DISC1: variants seen among roughly 807,000 people sequenced by gnomAD.
DISC1 encodes the protein disrupted in schizophrenia 1 protein.
A neutral mutation model predicts 84.5 loss-of-function variants in DISC1; 57 were observed. That is an observed-to-expected ratio of 0.67 (90% CI 0.55 to 0.84). The LOEUF (loss-of-function observed/expected upper bound fraction) is 0.84, where lower values mean the gene tolerates loss of function less well. DISC1 is among the 40% of genes least tolerant of loss of function. DISC1 has a pLI of 0.00. For synonymous variants in DISC1, 411 were observed against 415.2 expected (o/e 0.99, Z 0.12); for missense variants, 1,000 against 1,057.8 (o/e 0.95, Z 0.76).
chr1:231,783,438 A>G (rs978756794), intron 6 of DISC1, among the ~76,000 whole-genome samples: 1 of 152,160 alleles, frequency 6.6e-6, no homozygotes, highest in East Asian at 1.9e-4. Flanking sequence ...TTTTTTCATT[A>G]TTAAACCACC....
intron 3 of DISC1, among the ~76,000 whole-genome samples, chr1:231,713,720 ATATAG>A (rs1368407099): frequency 8.5e-5 from 11 of 129,778 alleles, no homozygotes; most frequent in African/African-American, 3.0e-4. Context: ...ATATATATAT[ATATAG>A]GAGATATATA....
At chr1:231,734,245 G>A (rs186784475) in intron 3 of DISC1, among the ~76,000 whole-genome samples, 266 of 152,248 alleles carry the variant, frequency 1.7e-3, no homozygotes, top group African/African-American at 5.7e-3. Flanking sequence ...AGGGTTTAAT[G>A]AAAAGTAGCA....
At chr1:231,852,574 C>T (rs1363850910) in intron 9 of DISC1, among the ~76,000 whole-genome samples, 1 of 152,246 alleles carries the variant, frequency 6.6e-6, no homozygotes, top group African/African-American at 2.4e-5. Context: ...ATTTGGGGCA[C>T]ATGCGCACCT....
chr1:231,930,111 C>G (rs988002237), intron 9 of DISC1, among the ~76,000 whole-genome samples: 2 of 152,214 alleles, frequency 1.3e-5, no homozygotes, highest in Non-Finnish European at 2.9e-5. Context: ...ACAGGCATCA[C>G]TCAAAAAGAA....
At chr1:231,855,819 C>T (rs964716016) in intron 9 of DISC1, among the ~76,000 whole-genome samples, 1 of 152,184 alleles carries the variant, frequency 6.6e-6, no homozygotes, top group Non-Finnish European at 1.5e-5. Context: ...AAACCCTAGG[C>T]ACATCTTTCT....
At position 232,038,574 on chromosome 1, in the gene DISC1, C is replaced by T. The variant is rs939736369; in HGVS notation, c.*1743C>T. On this transcript the variant is annotated 3_prime_UTR_variant, in exon 13 of 13. Coordinates refer to ENST00000439617, the MANE Select transcript of DISC1 (RefSeq NM_018662.3). Reference sequence around the variant, plus strand: ...CTCAAACTTTCCAAGTTTAATGGATCGTGAATTTTTTTCATGTAACTCCTA... The same window carrying T: ...CTCAAACTTTCCAAGTTTAATGGATTGTGAATTTTTTTCATGTAACTCCTA... 2.6e-5 allele frequency: 4 copies of T among 152,018 alleles called. No individual in the cohort carries two copies. The highest frequency in any genetic ancestry group is 6.6e-5 in the Admixed American group (1 of 15,228). 9.4% of individuals were successfully genotyped at this position (152,018 alleles called of 1,614,324 possible).
chr1:232,021,109 A>C (rs1489740074), intron 11 of DISC1, among the ~76,000 whole-genome samples: 1 of 152,188 alleles, frequency 6.6e-6, no homozygotes, highest in African/African-American at 2.4e-5. Context: ...GTGTGCCCCA[A>C]GGCCAGTGTG....
Position 231,825,947 on chromosome 1 carries a change from T to A in DISC1, c.1981+7430T>A, listed in dbSNP as rs7549557. Among the ~76,000 whole-genome samples, 6 of 152,262 alleles carry A rather than the reference T, an allele frequency of 3.9e-5. No homozygotes were observed. In the South Asian group the frequency reaches 1.2e-3, roughly 32 times the overall value. ...TATGTATTTCTTGGGCACAGATTTCTGTATGCACAGATGAGCTACAGCTAT... is the reference window on the plus strand; with the variant it reads ...TATGTATTTCTTGGGCACAGATTTCAGTATGCACAGATGAGCTACAGCTAT... On this transcript the variant is annotated intron_variant, in intron 9 of 12. Coordinates refer to ENST00000439617, the MANE Select transcript of DISC1 (RefSeq NM_018662.3).
At chr1:231,843,107 T>TG (rs930880733) in intron 9 of DISC1, among the ~76,000 whole-genome samples, 7 of 151,768 alleles carry the variant, frequency 4.6e-5, no homozygotes, top group Non-Finnish European at 7.4e-5. Flanking sequence ...AAGTGTATGA[T>TG]GGGGGGGTAT....
chr1:231,685,050 A>G (rs943099115), intron 1 of DISC1: 1 of 152,242 alleles, frequency 6.6e-6, no homozygotes, highest in African/African-American at 2.4e-5. Flanking sequence ...TGGCAAAGAG[A>G]TGGATGGTAT....
intron 3 of DISC1, among the ~76,000 whole-genome samples, chr1:231,714,962 C>A (rs2068485434): frequency 6.6e-6 from 1 of 152,130 alleles, no homozygotes; most frequent in Non-Finnish European, 1.5e-5. Context: ...AACTTGTGGG[C>A]ATATTTTAAA....
chr1:231,666,428 T>A (rs552540167), intron 1 of DISC1, among the ~76,000 whole-genome samples: 1 of 152,098 alleles, frequency 6.6e-6, no homozygotes, highest in Admixed American at 6.5e-5. Context: ...ATTCTAGAGC[T>A]AATCTAATTA....
rs74144169 is a variant in DISC1, at chr1:231,881,795, G to A, written c.1981+63278G>A. 8.5e-3 allele frequency among the ~76,000 whole-genome samples: 1,289 copies of A among 152,248 alleles called. 20 individuals are homozygous for A. Among genetic ancestry groups the A allele is most frequent in the African/African-American group, 0.03 (1,227 of 41,542 alleles). On this transcript the variant is annotated intron_variant, in intron 9 of 12. Transcript: ENST00000439617. The stretch of plus-strand genomic sequence containing the variant: ...CAGTGAAATGTTCTCATCACACGAG[G>A]CTTCTGAACACCCAGAAATTTTGAA...
chr1:231,837,111 A>AT (rs939883601), intron 9 of DISC1, among the ~76,000 whole-genome samples: 21 of 152,210 alleles, frequency 1.4e-4, no homozygotes, highest in African/African-American at 4.1e-4. Flanking sequence ...TTTAGAGTAC[A>AT]TTTTTTTCTC....
At chr1:231,865,848 T>C (rs1438040967) in intron 9 of DISC1, among the ~76,000 whole-genome samples, 1 of 152,208 alleles carries the variant, frequency 6.6e-6, no homozygotes, top group Admixed American at 6.5e-5. Flanking sequence ...AGTTGGATAT[T>C]ATCTCAGAAG....
intron 9 of DISC1, among the ~76,000 whole-genome samples, chr1:231,953,448 G>A (rs1658846626): frequency 6.6e-6 from 1 of 151,986 alleles, no homozygotes; most frequent in Non-Finnish European, 1.5e-5. Context: ...GACTTTCCTG[G>A]GTCTTTTCAG....
chr1:231,704,759 C>CAAAAAAAAA (rs146300199), intron 3 of DISC1, among the ~76,000 whole-genome samples: 1 of 24,328 alleles, frequency 4.1e-5, no homozygotes, highest in Non-Finnish European at 8.1e-5. Flanking sequence ...GACTCCGTCT[C>CAAAAAAAAA]AAAAAAAAAA....
chr1:231,722,859 C>G, intron 3 of DISC1: 2 of 1,404,128 alleles, frequency 1.4e-6, no homozygotes, highest in Non-Finnish European at 1.8e-6. Context: ...GTTTCCCAGT[C>G]CCCTGTCATG....
At chr1:231,682,028 T>C (rs890491651) in intron 1 of DISC1, among the ~76,000 whole-genome samples, 2 of 152,078 alleles carry the variant, frequency 1.3e-5, no homozygotes, top group African/African-American at 4.8e-5. Context: ...ATTATGTGCA[T>C]GGGGGGCATC....
Sources: gnomAD v4.1 joint callset for allele counts (sites outside exome capture counted in the v4.1 genomes callset) on GRCh38, gnomAD v4.1.1 for gene constraint, MANE v1.5 for transcripts, NCBI Gene and HGNC (gene_info 2026-07-23, HGNC 2026-07-21) for gene names.